MKRN1: variants seen among roughly 807,000 people sequenced by gnomAD.
MKRN1 encodes E3 ubiquitin-protein ligase makorin-1.
A neutral mutation model predicts 55.5 loss-of-function variants in MKRN1; 9 were observed. The ratio of observed to expected loss-of-function variants is 0.16; its 90% CI spans 0.10 to 0.28. The LOEUF (loss-of-function observed/expected upper bound fraction) is 0.28. Ranked by LOEUF, MKRN1 falls within the 10% of genes least tolerant of loss-of-function variation. The probability of loss-of-function intolerance (pLI) is 1.00; values close to 1 mark genes in which losing one functional copy is unlikely to be tolerated. For missense variants in MKRN1, 488 were observed against 626.7 expected (o/e 0.78, Z 2.36); for synonymous variants, 253 against 235.9 (o/e 1.07, Z -0.66).
intron 2 of MKRN1, among the ~76,000 whole-genome samples, chr7:140,468,480 C>T (rs912515708): frequency 6.7e-6 from 1 of 150,002 alleles, no homozygotes; most frequent in African/African-American, 2.5e-5. Context: ...GCAGGTGGAT[C>T]ACCTGAGGTC....
At chr7:140,470,046 C>CATAA (rs1794877987) in intron 2 of MKRN1, among the ~76,000 whole-genome samples, 1 of 51,102 alleles carries the variant, frequency 2.0e-5, no homozygotes. Context: ...GGCTCTGTCT[C>CATAA]AAAAAAAAAA....
intron 5 of MKRN1, 177 bp downstream of exon 5, chr7:140,456,475 A>AG: frequency 2.1e-6 from 3 of 1,430,562 alleles, no homozygotes; most frequent in Non-Finnish European, 2.7e-6. Context: ...AAAAGTAGAT[A>AG]GACCAACTAA....
At chr7:140,478,209 C>G (rs369936202) in intron 1 of MKRN1, 1 of 152,184 alleles carries the variant, frequency 6.6e-6, no homozygotes, top group South Asian at 2.1e-4. Flanking sequence ...AAAAGAAAAG[C>G]TTACAGTCGC....
chr7:140,479,029 G>C (rs1048287390), intron 1 of MKRN1, 131 bp downstream of exon 1: 2 of 1,125,092 alleles, frequency 1.8e-6, no homozygotes, highest in African/African-American at 3.2e-5. Context: ...GGGCTGCAGA[G>C]ATCGAGACAA....
intron 1 of MKRN1, 77 bp downstream of exon 1, chr7:140,479,083 C>T (rs1795210989): frequency 8.0e-7 from 1 of 1,246,102 alleles, no homozygotes; most frequent in Non-Finnish European, 1.0e-6. Flanking sequence ...AGGCCGGCCG[C>T]CCTCCTCCCT....
chr7:140,468,614 T>C (rs1046334850), intron 2 of MKRN1, among the ~76,000 whole-genome samples: 4 of 148,032 alleles, frequency 2.7e-5, no homozygotes, highest in African/African-American at 5.1e-5. Context: ...GGCAGGAGAA[T>C]TGCTTGAACC....
rs770050945 is a variant in MKRN1, at chr7:140,454,637, C to G, written c.1329G>C (p.Glu443Asp). 1 of 1,613,972 alleles carries G rather than the reference C, an allele frequency of 6.2e-7. No homozygotes were observed. Among genetic ancestry groups the G allele is most frequent in the Non-Finnish European group, 8.5e-7 (1 of 1,179,866 alleles). ...AAAGCATAAGCAACATCTCGCCCAG[C>G]TCAAAGGTGACAACCTCTTCTTCAT... is the stretch of plus-strand genomic sequence containing the variant. ...DNDEEEVVTF[E>D]LGEMLLMLLA... The change falls in exon 8 of 8, where the codon GAG becomes GAC. Residue 443 changes from glutamate to aspartate, a missense_variant. Coordinates refer to ENST00000255977, the MANE Select transcript of MKRN1 (RefSeq NM_013446.4).
At chr7:140,468,303 C>T (rs1794827520) in intron 2 of MKRN1, among the ~76,000 whole-genome samples, 1 of 152,132 alleles carries the variant, frequency 6.6e-6, no homozygotes, top group South Asian at 2.1e-4. Context: ...TACAATTAGC[C>T]TCAATACCTG....
chr7:140,458,883 C>T (rs1794539480), intron 4 of MKRN1, 124 bp downstream of exon 4: 2 of 1,052,114 alleles, frequency 1.9e-6, no homozygotes, highest in African/African-American at 1.6e-5. Context: ...GAAAGGAAAA[C>T]TTCCCTACTC....
At chr7:140,455,316 G>T in intron 6 of MKRN1, 83 bp from the exon 7 acceptor site, 1 of 1,549,340 alleles carries the variant, frequency 6.5e-7, no homozygotes. Context: ...CTTTAAACAG[G>T]TAGGGATAGA....
In MKRN1 at chr7:140,472,014, G is replaced by A. The variant is rs778646668; in HGVS notation, c.186-3C>T. 1.9e-6 allele frequency: 3 copies of A among 1,613,684 alleles called. No individual in the cohort carries two copies. In the African/African-American group the frequency reaches 4.0e-5, roughly 22 times the overall value. ...TACAAACCCCATGCATAAAATACCT[G>A]TGAGACGAAAGACCACAAAACTGGA... is the stretch of plus-strand genomic sequence containing the variant. On this transcript the variant is annotated splice_region_variant and splice_polypyrimidine_tract_variant and intron_variant, in intron 1 of 7. Coordinates refer to ENST00000255977, the MANE Select transcript of MKRN1 (RefSeq NM_013446.4).
chr7:140,468,467 G>A (rs77965259), intron 2 of MKRN1, among the ~76,000 whole-genome samples: 2 of 150,064 alleles, frequency 1.3e-5, no homozygotes, highest in African/African-American at 2.5e-5. Flanking sequence ...TTGGGAGGCC[G>A]AGGCAGGTGG....
intron 1 of MKRN1, among the ~76,000 whole-genome samples, chr7:140,477,544 G>C (rs1795161950): frequency 1.3e-5 from 2 of 152,132 alleles, no homozygotes; most frequent in Admixed American, 6.6e-5. Flanking sequence ...GGCTGGTCTT[G>C]AGCTCCTGAC....
At chr7:140,458,646 A>G (rs1012893059) in intron 4 of MKRN1, among the ~76,000 whole-genome samples, 4 of 152,232 alleles carry the variant, frequency 2.6e-5, no homozygotes, top group African/African-American at 9.6e-5. Context: ...ATTCAATGTG[A>G]ATCTCAGAAA....
chr7:140,453,052 T>G lies in MKRN1; in HGVS notation c.*1465A>C, dbSNP rs1431970301. 6.6e-6 allele frequency: 1 copy of G among 152,400 alleles called. No individual in the cohort carries two copies. Among genetic ancestry groups the G allele is most frequent in the Admixed American group, 6.6e-5 (1 of 15,226 alleles). The allele number at this position is 152,400 out of a possible 1,614,324, so 9.4% of individuals were successfully genotyped here. On this transcript the variant is annotated 3_prime_UTR_variant, in exon 8 of 8. Coordinates refer to ENST00000255977, the MANE Select transcript of MKRN1 (RefSeq NM_013446.4). Reference sequence around the variant, plus strand: ...AGCTCATTACACAGAACAGCCAACTTTTTTTTTAATTGTTTTATTTGGGAA... The same window carrying G: ...AGCTCATTACACAGAACAGCCAACTGTTTTTTTAATTGTTTTATTTGGGAA...
chr7:140,455,334 T>A, intron 6 of MKRN1, 101 bp from the exon 7 acceptor site: 1 of 1,451,546 alleles, frequency 6.9e-7, no homozygotes, highest in Non-Finnish European at 9.4e-7. Context: ...AGAACCAGTA[T>A]GTCAGCTTAC....
intron 7 of MKRN1, 22 bp from the exon 8 acceptor site, chr7:140,454,751 T>C: frequency 6.2e-7 from 1 of 1,605,640 alleles, no homozygotes; most frequent in Non-Finnish European, 8.5e-7. Flanking sequence ...AAGGCCATGA[T>C]AGGGATGGCA....
intron 1 of MKRN1, chr7:140,472,356 G>A (rs538640820): frequency 2.0e-4 from 48 of 237,240 alleles, no homozygotes; most frequent in South Asian, 1.2e-3. Flanking sequence ...CTGCTTACAC[G>A]TGGGAGGCTG....
chr7:140,459,208 G>A lies in MKRN1; in HGVS notation c.570C>T (p.Pro190=). 1 of 1,613,934 alleles carries A rather than the reference G, an allele frequency of 6.2e-7. No individual in the cohort carries two copies. Among genetic ancestry groups the A allele is most frequent in the Non-Finnish European group, 8.5e-7 (1 of 1,179,848 alleles). ...CTTCCTTGGTCACTGAGCCCTGCAG[G>A]GGTGCTTCAGTGCAGGAAGGCGCAG... ...GRTAPSCTEA[P]LQGSVTKEES... The change falls in exon 4 of 8, where the codon CCC becomes CCT. Residue 190 remains proline, a synonymous_variant. Transcript: ENST00000255977.
Sources: gnomAD v4.1 joint callset for allele counts (sites outside exome capture counted in the v4.1 genomes callset) on GRCh38, gnomAD v4.1.1 for gene constraint, MANE v1.5 for transcripts, NCBI Gene and HGNC (gene_info 2026-07-23, HGNC 2026-07-21) for gene names.